FGF14: variants seen among roughly 807,000 people sequenced by gnomAD.
The protein encoded by FGF14 is fibroblast growth factor 14.
FGF14 carries 5 observed loss-of-function variants against 25.5 expected under a neutral mutation model. That is an observed-to-expected ratio of 0.20 (90% confidence interval 0.10 to 0.41). The LOEUF (loss-of-function observed/expected upper bound fraction) is 0.41. Ranked by LOEUF, FGF14 falls within the 10% of genes least tolerant of loss-of-function variation. FGF14 has a pLI of 1.00. For missense variants in FGF14, 222 were observed against 320.1 expected (o/e 0.69, Z 2.34); for synonymous variants, 138 against 118.3 (o/e 1.17, Z -1.08).
chr13:102,238,933 T>C (rs1183946753), intron 1 of FGF14, among the ~76,000 whole-genome samples: 1 of 152,144 alleles, frequency 6.6e-6, no homozygotes, highest in African/African-American at 2.4e-5. Context: ...ATAGCAGGAC[T>C]GAATACAGTT....
At chr13:102,222,551 T>G (rs1017720464) in intron 1 of FGF14, among the ~76,000 whole-genome samples, 1 of 152,220 alleles carries the variant, frequency 6.6e-6, no homozygotes, top group Non-Finnish European at 1.5e-5. Flanking sequence ...AGGGCATCCC[T>G]AGCTGTTAAA....
chr13:101,954,270 C>A (rs1304834477), intron 1 of FGF14, among the ~76,000 whole-genome samples: 1 of 151,230 alleles, frequency 6.6e-6, no homozygotes, highest in Non-Finnish European at 1.5e-5. Flanking sequence ...TAAAATTAGT[C>A]CCTGAAGAGT....
At chr13:102,025,089 ATTTGG>A (rs2040858468) in intron 1 of FGF14, among the ~76,000 whole-genome samples, 1 of 151,186 alleles carries the variant, frequency 6.6e-6, no homozygotes, top group South Asian at 2.1e-4. Context: ...ATACTTCTTG[ATTTGG>A]TTTGTAGTAA....
chr13:102,328,196 C>A (rs1293802894), intron 1 of FGF14, among the ~76,000 whole-genome samples: 2 of 152,162 alleles, frequency 1.3e-5, no homozygotes, highest in Admixed American at 1.3e-4. Context: ...ACATTTGCAA[C>A]TTATTCAAGT....
chr13:102,346,273 G>T (rs915229212), intron 1 of FGF14, among the ~76,000 whole-genome samples: 10 of 152,056 alleles, frequency 6.6e-5, no homozygotes, highest in African/African-American at 2.4e-4. Flanking sequence ...ATACTATATA[G>T]CTAAATAAAC....
intron 1 of FGF14, among the ~76,000 whole-genome samples, chr13:102,342,701 C>A (rs2056988038): frequency 6.6e-6 from 1 of 152,098 alleles, no homozygotes; most frequent in Non-Finnish European, 1.5e-5. Context: ...GGAAGCCAAA[C>A]AGGAGTCTAG....
At chr13:101,811,841 C>T (rs1269751091) in intron 3 of FGF14, among the ~76,000 whole-genome samples, 1 of 152,104 alleles carries the variant, frequency 6.6e-6, no homozygotes, top group South Asian at 2.1e-4. Context: ...TTTGAATGAG[C>T]CTCACTGGTT....
rs2044332755 is a variant in FGF14 at position 102,095,143 on chromosome 13, G to C, written c.209-219847C>G. On this transcript the variant is annotated intron_variant, in intron 1 of 4. Transcript: ENST00000376131. Reference sequence around the variant, plus strand: ...CCGGAGGAAACTGTGTCCAGATGTTGTGCATAACTTCACAGGAATTATGAC... The same window carrying C: ...CCGGAGGAAACTGTGTCCAGATGTTCTGCATAACTTCACAGGAATTATGAC... Among the ~76,000 whole-genome samples, 3 of 152,262 alleles carry C rather than the reference G, an allele frequency of 2.0e-5. No individual in the cohort carries two copies. The South Asian group carries it at 6.2e-4, about 32-fold the overall frequency.
intron 3 of FGF14, among the ~76,000 whole-genome samples, chr13:101,741,634 T>TA (rs11299686): frequency 0.07 from 10,034 of 143,816 alleles, 354 homozygotes; most frequent in Middle Eastern, 0.09. Flanking sequence ...TTTATTACAG[T>TA]AAAAAAAAAA....
rs1594010091 is a variant in FGF14, at chr13:101,715,312, G to C, written c.*7519C>G. 1 of 414,574 alleles carries C rather than the reference G, an allele frequency of 2.4e-6. No homozygotes were observed. Among genetic ancestry groups the C allele is most frequent in the Non-Finnish European group, 4.4e-6 (1 of 229,396 alleles). 25.7% of individuals were successfully genotyped at this position (414,574 alleles called of 1,614,324 possible). ...AACAAAATTGTCACCTAAAAGCCTA[G>C]CTGGAGTGATACAGGATGGTGACTA... On this transcript the variant is annotated 3_prime_UTR_variant, in exon 5 of 5. Transcript: ENST00000376143.
At chr13:101,746,088 T>G (rs1036875623) in intron 3 of FGF14, among the ~76,000 whole-genome samples, 6 of 152,056 alleles carry the variant, frequency 3.9e-5, no homozygotes, top group Admixed American at 1.3e-4. Flanking sequence ...ACAGAAATTT[T>G]AAATGGCCTG....
rs2035272160 is a variant in FGF14 at position 101,938,909 on chromosome 13, C to A, written c.209-63613G>T. Among the ~76,000 whole-genome samples, 3 of 152,164 alleles carry A rather than the reference C, an allele frequency of 2.0e-5. No individual in the cohort carries two copies. The South Asian group carries it at 6.2e-4, about 32-fold the overall frequency. On this transcript the variant is annotated intron_variant, in intron 1 of 4. Coordinates refer to the FGF14 transcript ENST00000376131. The stretch of plus-strand genomic sequence containing the variant: ...TAGTTCTTCACTGAGGGCATTTTTG[C>A]CCTCCAGGGAACATTTGATAATATC...
At chr13:101,955,313 C>A (rs187898021) in intron 1 of FGF14, among the ~76,000 whole-genome samples, 26 of 152,334 alleles carry the variant, frequency 1.7e-4, no homozygotes, top group Non-Finnish European at 3.2e-4. Flanking sequence ...TTGGGTTTAG[C>A]TTCTAATGTG....
intron 1 of FGF14, among the ~76,000 whole-genome samples, chr13:102,078,878 G>A (rs2043488421): frequency 6.6e-6 from 1 of 152,232 alleles, no homozygotes. Flanking sequence ...CATTCATGGT[G>A]TAGAGAAAGT....
chr13:102,284,708 T>C (rs1313682175), intron 1 of FGF14, among the ~76,000 whole-genome samples: 6 of 152,052 alleles, frequency 3.9e-5, no homozygotes, highest in African/African-American at 1.2e-4. Context: ...AACACAAAAC[T>C]AAAGCATTCC....
At chr13:102,111,872 T>G (rs2045246484) in intron 1 of FGF14, among the ~76,000 whole-genome samples, 1 of 152,034 alleles carries the variant, frequency 6.6e-6, no homozygotes, top group Non-Finnish European at 1.5e-5. Flanking sequence ...TCTTACCAAC[T>G]TTGTAGTTTA....
chr13:102,090,821 C>G (rs567121764), intron 1 of FGF14, among the ~76,000 whole-genome samples: 91 of 152,326 alleles, frequency 6.0e-4, no homozygotes, highest in African/African-American at 2.1e-3. Flanking sequence ...CGATGAGATC[C>G]TTTGTGTTTA....
At chr13:101,800,512 GTCC>G (rs1331848959) in intron 3 of FGF14, among the ~76,000 whole-genome samples, 1 of 152,214 alleles carries the variant, frequency 6.6e-6, no homozygotes, top group African/African-American at 2.4e-5. Context: ...TAAAAATCTT[GTCC>G]TCAATTATTC....
At chr13:102,401,586 C>A in exon 1 of FGF14, 1 of 1,614,146 alleles carries the variant, frequency 6.2e-7, no homozygotes, top group Non-Finnish European at 8.5e-7. Context: ...AGCAATCCAG[C>A]AGCTTAGACA....
Sources: allele counts gnomAD v4.1 joint callset (sites outside exome capture counted in the v4.1 genomes callset), GRCh38; gene constraint gnomAD v4.1.1; transcripts MANE v1.5; gene names NCBI Gene and HGNC (gene_info 2026-07-23, HGNC 2026-07-21).